The following MYO1D variants were observed in gnomAD, a reference collection of about 807,000 sequenced individuals.
MYO1D encodes the protein unconventional myosin-Id.
In MYO1D, 83 loss-of-function variants were observed where a neutral mutation model predicts 122.0. The ratio of observed to expected loss-of-function variants is 0.68; its 90% CI spans 0.57 to 0.82. The LOEUF (loss-of-function observed/expected upper bound fraction) is 0.82, where lower values mean the gene tolerates loss of function less well. Ranked by LOEUF, MYO1D falls within the 40% of genes least tolerant of loss-of-function variation. The pLI is 0.00. For synonymous variants in MYO1D, 464 were observed against 446.9 expected (o/e 1.04, Z -0.48); for missense variants, 1,157 against 1,269.5 (o/e 0.91, Z 1.35).
chr17:32,557,700 G>A (rs970361320), intron 21 of MYO1D, among the ~76,000 whole-genome samples: 3 of 151,738 alleles, frequency 2.0e-5, no homozygotes, highest in African/African-American at 4.8e-5. Flanking sequence ...ATGGGGTTTC[G>A]CTCAGCAAAG....
At chr17:32,610,528 A>G (rs1185932708) in intron 20 of MYO1D, among the ~76,000 whole-genome samples, 3 of 152,164 alleles carry the variant, frequency 2.0e-5, no homozygotes, top group African/African-American at 7.2e-5. Flanking sequence ...GTTAATCCCA[A>G]TTCAGCCATG....
intron 19 of MYO1D, among the ~76,000 whole-genome samples, chr17:32,647,611 T>C (rs1357002140): frequency 6.6e-6 from 1 of 152,148 alleles, no homozygotes. Flanking sequence ...TAAAGTGTAC[T>C]AGATAGTGAA....
chr17:32,644,784 C>T (rs2150944061), intron 19 of MYO1D, among the ~76,000 whole-genome samples: 1 of 152,226 alleles, frequency 6.6e-6, no homozygotes, highest in African/African-American at 2.4e-5. Flanking sequence ...TTCCTCCATC[C>T]CTTTATTTTG....
intron 21 of MYO1D, among the ~76,000 whole-genome samples, chr17:32,556,487 A>T (rs1343364973): frequency 6.6e-6 from 1 of 152,078 alleles, no homozygotes; most frequent in African/African-American, 2.4e-5. Flanking sequence ...AACACTGCCT[A>T]CAGGCCAGCT....
At chr17:32,514,844 A>G (rs555150048) in intron 21 of MYO1D, among the ~76,000 whole-genome samples, 1 of 152,206 alleles carries the variant, frequency 6.6e-6, no homozygotes, top group Non-Finnish European at 1.5e-5. Context: ...CTGTATTTCT[A>G]GGAATGTTGC....
chr17:32,694,776 C>G (rs948302583), intron 16 of MYO1D, among the ~76,000 whole-genome samples: 11 of 149,584 alleles, frequency 7.4e-5, no homozygotes, highest in Admixed American at 6.0e-4. Context: ...TATCCAACTG[C>G]TTGCTGGTCA....
At chr17:32,614,855 G>C (rs1311504515) in intron 20 of MYO1D, among the ~76,000 whole-genome samples, 1 of 152,238 alleles carries the variant, frequency 6.6e-6, no homozygotes, top group African/African-American at 2.4e-5. Flanking sequence ...GAGGGGTCGT[G>C]TGCAGGTGCT....
At chr17:32,862,350 C>T (rs1456801822) in intron 1 of MYO1D, among the ~76,000 whole-genome samples, 3 of 152,194 alleles carry the variant, frequency 2.0e-5, no homozygotes, top group Admixed American at 1.3e-4. Flanking sequence ...ATCTGGGTTG[C>T]TCCTGCATAT....
At chr17:32,580,856 A>T (rs1261409342) in intron 21 of MYO1D, among the ~76,000 whole-genome samples, 1 of 152,208 alleles carries the variant, frequency 6.6e-6, no homozygotes, top group Admixed American at 6.5e-5. Flanking sequence ...TGGATGCACT[A>T]AATATTGCTT....
chr17:32,812,130 A>G (rs2090577553), intron 1 of MYO1D, among the ~76,000 whole-genome samples: 1 of 152,230 alleles, frequency 6.6e-6, no homozygotes, highest in African/African-American at 2.4e-5. Flanking sequence ...AGGGAAGTTG[A>G]TAAGTTTAGT....
chr17:32,839,379 C>T (rs2090856192), intron 1 of MYO1D, among the ~76,000 whole-genome samples: 1 of 152,148 alleles, frequency 6.6e-6, no homozygotes, highest in African/African-American at 2.4e-5. Flanking sequence ...ATAATTGTAA[C>T]CTATAGTGGC....
Position 32,793,568 on chromosome 17 carries a change from A to C in MYO1D, c.96-12784T>G, listed in dbSNP as rs1452135328. Among the ~76,000 whole-genome samples, 6 of 152,146 alleles carry C rather than the reference A, an allele frequency of 3.9e-5. No individual in the cohort carries two copies. The East Asian group carries it at 1.2e-3, about 29-fold the overall frequency. On this transcript the variant is annotated intron_variant, in intron 1 of 21. Transcript: ENST00000318217. The stretch of plus-strand genomic sequence containing the variant: ...GACAGTTCTAACCACTTCTTGGTTT[A>C]CACTTTCTTAAAATGATTTGGAAAA...
chr17:32,503,129 TGGAATG>T (rs1306201763), intron 21 of MYO1D, among the ~76,000 whole-genome samples: 1 of 152,256 alleles, frequency 6.6e-6, no homozygotes, highest in African/African-American at 2.4e-5. Flanking sequence ...ACTTGATCTA[TGGAATG>T]AACAAACATG....
At chr17:32,584,282 A>T (rs186821486) in intron 21 of MYO1D, among the ~76,000 whole-genome samples, 2 of 152,314 alleles carry the variant, frequency 1.3e-5, no homozygotes, top group Admixed American at 1.3e-4. Context: ...GTTTCCCTTG[A>T]TAAGACAATA....
chr17:32,847,585 G>GC (rs2090949582), intron 1 of MYO1D, among the ~76,000 whole-genome samples: 1 of 152,198 alleles, frequency 6.6e-6, no homozygotes, highest in Admixed American at 6.5e-5. Flanking sequence ...CACAATCTCA[G>GC]CTCATTGCAA....
chr17:32,713,894 G>C lies in MYO1D; in HGVS notation c.1914-1699C>G, dbSNP rs116216758. The stretch of plus-strand genomic sequence containing the variant: ...CCGCCTTGGCCTCTCAAAATGCTGG[G>C]ATTATAGGCAAGAGCCACTGCACTC... On this transcript the variant is annotated intron_variant, in intron 15 of 21. Transcript: ENST00000318217. 4.1e-3 allele frequency among the ~76,000 whole-genome samples: 622 copies of C among 152,036 alleles called. 9 individuals carry two copies. Among genetic ancestry groups the C allele is most frequent in the African/African-American group, 0.013 (524 of 41,472 alleles).
At chr17:32,766,802 C>CAAAACCAAAAA (rs1555539200) in intron 7 of MYO1D, among the ~76,000 whole-genome samples, 7 of 150,342 alleles carry the variant, frequency 4.7e-5, no homozygotes, top group Admixed American at 3.3e-4. Flanking sequence ...AAAAAGAAAA[C>CAAAACCAAAAA]AAAACAACAA....
chr17:32,656,952 T>C (rs991577786), intron 17 of MYO1D, among the ~76,000 whole-genome samples: 5 of 152,212 alleles, frequency 3.3e-5, no homozygotes, highest in Non-Finnish European at 4.4e-5. Flanking sequence ...ACAAGGTCTG[T>C]CCCTGACTGA....
At chr17:32,873,495 A>T (rs1046647878) in intron 1 of MYO1D, among the ~76,000 whole-genome samples, 3 of 152,190 alleles carry the variant, frequency 2.0e-5, no homozygotes, top group African/African-American at 7.2e-5. Flanking sequence ...AGCTATATAC[A>T]ACCAGAAATA....
Sources: allele counts gnomAD v4.1 joint callset (sites outside exome capture counted in the v4.1 genomes callset), GRCh38; gene constraint gnomAD v4.1.1; transcripts MANE v1.5; gene names NCBI Gene and HGNC (gene_info 2026-07-23, HGNC 2026-07-21).